Variants in TRPM7 observed in about 807,000 individuals in gnomAD.
The protein encoded by TRPM7 is transient receptor potential cation channel subfamily M member 7.
A neutral mutation model predicts 229.7 loss-of-function variants in TRPM7; 134 were observed. That is an observed-to-expected ratio of 0.58 (90% confidence interval 0.51 to 0.67). The LOEUF (loss-of-function observed/expected upper bound fraction) is 0.67, where lower values mean the gene tolerates loss of function less well. Among genes scored for constraint, TRPM7 ranks in the 30% least tolerant of loss-of-function variants. The pLI, the probability that TRPM7 is intolerant of heterozygous loss-of-function variation, is 0.00. For missense variants in TRPM7, 1,901 were observed against 2,210.0 expected (o/e 0.86, Z 2.80); for synonymous variants, 699 against 715.2 (o/e 0.98, Z 0.36).
At chr15:50,648,926 TAG>T (rs745521864) in intron 3 of TRPM7, 41 bp from the exon 4 acceptor site, 71 of 1,502,446 alleles carry the variant, frequency 4.7e-5, no homozygotes, top group Non-Finnish European at 3.2e-5. Flanking sequence ...TTCAAAAAAT[TAG>T]AGTTAATGAA....
intron 12 of TRPM7, among the ~76,000 whole-genome samples, chr15:50,621,534 C>T (rs2060407204): frequency 6.6e-6 from 1 of 152,118 alleles, no homozygotes; most frequent in African/African-American, 2.4e-5. Flanking sequence ...GACTTTTTTC[C>T]TAATCATATT....
At chr15:50,600,056 T>C (rs779721122) in intron 21 of TRPM7, among the ~76,000 whole-genome samples, 3 of 152,232 alleles carry the variant, frequency 2.0e-5, no homozygotes, top group African/African-American at 2.4e-5. Context: ...CAGAATGCTA[T>C]AATAAAACTT....
At chr15:50,608,659 A>G (rs938483858) in intron 19 of TRPM7, among the ~76,000 whole-genome samples, 1 of 152,228 alleles carries the variant, frequency 6.6e-6, no homozygotes, top group Non-Finnish European at 1.5e-5. Flanking sequence ...AGGTGTAAGG[A>G]AATGTTAGTC....
chr15:50,643,452 C>T lies in TRPM7; in HGVS notation c.423G>A (p.Gly141=), dbSNP rs769883593. Reference sequence around the variant, plus strand: ...GGTGAAGCTCAAATTTCTGCATGCCCCCATGTACAGAGATAACAAGTTTGG... The same window carrying T: ...GGTGAAGCTCAAATTTCTGCATGCCTCCATGTACAGAGATAACAAGTTTGG... ...ELPKLVISVH[G]GMQKFELHPR... The change falls in exon 5 of 39, where the codon GGG becomes GGA. Residue 141 remains glycine (G), a synonymous_variant. Coordinates refer to ENST00000646667, the MANE Select transcript of TRPM7 (RefSeq NM_017672.6). 1.3e-5 allele frequency: 21 copies of T among 1,613,954 alleles called. No homozygotes were observed. In the Middle Eastern group the frequency reaches 6.6e-4, roughly 51 times the overall value.
At chr15:50,612,031 A>G (rs1296510745) in intron 16 of TRPM7, among the ~76,000 whole-genome samples, 3 of 152,226 alleles carry the variant, frequency 2.0e-5, no homozygotes, top group Non-Finnish European at 2.9e-5. Flanking sequence ...TTTCCTTACC[A>G]ATTCAAATGG....
chr15:50,619,644 G>C, intron 13 of TRPM7, 101 bp downstream of exon 13: 4 of 998,094 alleles, frequency 4.0e-6, no homozygotes, highest in Non-Finnish European at 5.8e-6. Flanking sequence ...AATTTTATTG[G>C]TATTTCTAAA....
chr15:50,686,642 G>C lies in TRPM7; in HGVS notation c.-109C>G. The C allele has an allele frequency of 3.4e-6, 5 of 1,479,758 alleles. No individual in the cohort carries two copies. Among genetic ancestry groups the C allele is most frequent in the Non-Finnish European group, 3.6e-6 (4 of 1,098,542 alleles). 91.7% of individuals were successfully genotyped at this position (1,479,758 alleles called of 1,614,324 possible). The stretch of plus-strand genomic sequence containing the variant: ...TCCGGAGGCGGCAGCAGAGGCCGCC[G>C]GACAAGGAACGCCCAGGGAAACCTT... On this transcript the variant is annotated 5_prime_UTR_variant, in exon 1 of 39. Coordinates refer to ENST00000646667, the MANE Select transcript of TRPM7 (RefSeq NM_017672.6).
At chr15:50,604,222 T>C (rs2059859724) in intron 21 of TRPM7, 1 of 151,944 alleles carries the variant, frequency 6.6e-6, no homozygotes, top group African/African-American at 2.4e-5. Context: ...AAGAGCAAAA[T>C]ACTGGGCATA....
At position 50,643,333 on chromosome 15, in the gene TRPM7, A is replaced by G; in HGVS notation, c.535+7T>C. Reference sequence around the variant, plus strand: ...ACTAAATAAAATTGGTATAATCATCACATTACCTGTGTTTACTCCTCCAGT... The same window carrying G: ...ACTAAATAAAATTGGTATAATCATCGCATTACCTGTGTTTACTCCTCCAGT... On this transcript the variant is annotated splice_region_variant and intron_variant, in intron 5 of 38. Transcript: ENST00000646667. The G allele has an allele frequency of 6.2e-7, 1 of 1,609,398 alleles. No individual in the cohort carries two copies. Among genetic ancestry groups the G allele is most frequent in the Non-Finnish European group, 8.5e-7 (1 of 1,176,400 alleles).
At chr15:50,576,811 A>G (rs1156268310) in intron 31 of TRPM7, among the ~76,000 whole-genome samples, 1 of 152,180 alleles carries the variant, frequency 6.6e-6, no homozygotes, top group South Asian at 2.1e-4. Context: ...GGAATATCAA[A>G]TTGTTAAGAG....
Position 50,574,715 on chromosome 15 carries a change from A to G in TRPM7, c.5024T>C (p.Ile1675Thr), listed in dbSNP as rs1345287760. 4.3e-6 allele frequency: 7 copies of G among 1,613,322 alleles called. No individual in the cohort carries two copies. Among genetic ancestry groups the G allele is most frequent in the Non-Finnish European group, 4.2e-6 (5 of 1,179,770 alleles). Reference protein sequence around the residue: ...DTVLHLCLREIQQQRAAQKLT... With the variant: ...DTVLHLCLRETQQQRAAQKLT... ...CTTTTGTGCTGCTCTCTGTTGTTGA[A>G]TTTCCTATAAAAGGGAGGGTGGGGA... Residue 1675 changes from isoleucine to threonine, a missense_variant, in exon 35 of 39, where the codon ATT becomes ACT. Physicochemically the swap from Ile to Thr is moderately conservative, Grantham distance 89 (BLOSUM62 -1). Transcript: ENST00000646667.
intron 38 of TRPM7, among the ~76,000 whole-genome samples, chr15:50,563,869 C>T (rs1187555063): frequency 6.7e-6 from 1 of 148,610 alleles, no homozygotes; most frequent in Non-Finnish European, 1.5e-5. Context: ...GACAATTCTT[C>T]TTTTTTTTTT....
chr15:50,596,342 G>A lies in TRPM7; in HGVS notation c.3203C>T (p.Pro1068Leu), dbSNP rs868253844. ...NDSVIPQICG[P>L]GTWLTPFLQA... ...AAGAAATGGAGTCAACCACGTCCCA[G>A]GACCACAGATTTGAGGGATAACAGA... The change falls in exon 23 of 39, where the codon CCT becomes CTT. Residue 1068 changes from proline (P) to leucine (L), a missense_variant. By Grantham distance (98) the Pro-to-Leu change is moderately conservative (BLOSUM62 -3). Coordinates refer to ENST00000646667, the MANE Select transcript of TRPM7 (RefSeq NM_017672.6). 6.2e-7 allele frequency: 1 copy of A among 1,609,214 alleles called. No individual in the cohort carries two copies. The highest frequency in any genetic ancestry group is 2.2e-5 in the East Asian group (1 of 44,716).
chr15:50,575,842 T>A, intron 32 of TRPM7, 27 bp downstream of exon 32: 1 of 1,611,692 alleles, frequency 6.2e-7, no homozygotes, highest in Non-Finnish European at 8.5e-7. Flanking sequence ...CAAAATGCTA[T>A]TAAATTTTGT....
At chr15:50,576,621 T>A (rs1269001190) in intron 31 of TRPM7, among the ~76,000 whole-genome samples, 3 of 152,172 alleles carry the variant, frequency 2.0e-5, no homozygotes, top group East Asian at 3.8e-4. Context: ...GGGGGAAGAT[T>A]GACCTATAGT....
intron 21 of TRPM7, among the ~76,000 whole-genome samples, chr15:50,602,566 T>C (rs2059809030): frequency 6.6e-6 from 1 of 152,208 alleles, no homozygotes; most frequent in African/African-American, 2.4e-5. Flanking sequence ...TACTAGCTCT[T>C]CTATCTTCAC....
rs1596302623 is a variant in TRPM7 at position 50,648,809 on chromosome 15, A to G, written c.199T>C (p.Leu67=). ...ATTGCCTGATTAAAATGGTCACCCA[A>G]TTTCACATCTGAGTATTTCATGGCA... is the stretch of plus-strand genomic sequence containing the variant. The part of the protein sequence containing the change: ...SLAMKYSDVK[L]GDHFNQAIEE... Residue 67 remains leucine, a synonymous_variant, in exon 4 of 39, where the codon TTG becomes CTG. Coordinates refer to ENST00000646667, the MANE Select transcript of TRPM7 (RefSeq NM_017672.6). 4 of 1,613,372 alleles carry G rather than the reference A, an allele frequency of 2.5e-6. No individual in the cohort carries two copies. Among genetic ancestry groups the G allele is most frequent in the Non-Finnish European group, 1.7e-6 (2 of 1,179,628 alleles).
intron 12 of TRPM7, among the ~76,000 whole-genome samples, chr15:50,621,586 G>C (rs1011622337): frequency 6.6e-6 from 1 of 152,080 alleles, no homozygotes; most frequent in African/African-American, 2.4e-5. Flanking sequence ...GTGTTTGGTG[G>C]AGTTTTCCAG....
chr15:50,606,344 A>G (rs2059918709), intron 20 of TRPM7, among the ~76,000 whole-genome samples: 2 of 152,034 alleles, frequency 1.3e-5, no homozygotes, highest in Admixed American at 1.3e-4. Context: ...GTGCCACTGC[A>G]CTCCAGCCTG....
Sources: allele counts gnomAD v4.1 joint callset (sites outside exome capture counted in the v4.1 genomes callset), GRCh38; gene constraint gnomAD v4.1.1; transcripts MANE v1.5; gene names NCBI Gene and HGNC (gene_info 2026-07-23, HGNC 2026-07-21).